The following ELMO1 variants were observed in gnomAD, a reference collection of about 807,000 sequenced individuals.
ELMO1 encodes the protein engulfment and cell motility protein 1.
ELMO1 carries 26 observed loss-of-function variants against 98.9 expected under a neutral mutation model. The observed-to-expected ratio is 0.26, with a 90% CI of 0.19 to 0.36. The LOEUF is 0.36. Among genes scored for constraint, ELMO1 ranks in the 10% least tolerant of loss-of-function variants. ELMO1 has a pLI of 1.00. For synonymous variants in ELMO1, 346 were observed against 346.0 expected (o/e 1.00, Z 0.00); for missense variants, 627 against 935.2 (o/e 0.67, Z 4.30).
intron 1 of ELMO1, among the ~76,000 whole-genome samples, chr7:37,377,281 A>T (rs1802390168): frequency 6.6e-6 from 1 of 152,190 alleles, no homozygotes; most frequent in Non-Finnish European, 1.5e-5. Context: ...ATCTGTAGTT[A>T]AAAATCTCTA....
intron 15 of ELMO1, among the ~76,000 whole-genome samples, chr7:37,037,657 A>G (rs1795268448): frequency 1.3e-5 from 2 of 152,218 alleles, no homozygotes. Flanking sequence ...AGGGGCTAGT[A>G]TCAAGTGAGC....
At chr7:37,074,791 A>G (rs1017648687) in intron 15 of ELMO1, among the ~76,000 whole-genome samples, 2 of 152,192 alleles carry the variant, frequency 1.3e-5, no homozygotes, top group Non-Finnish European at 2.9e-5. Flanking sequence ...TTGTTTAGGG[A>G]GTTGCAAATG....
chr7:36,879,839 G>T (rs750863969), intron 18 of ELMO1, among the ~76,000 whole-genome samples: 2 of 152,238 alleles, frequency 1.3e-5, no homozygotes, highest in Admixed American at 6.5e-5. Flanking sequence ...ATTTTTCTGG[G>T]AGAGCATTTC....
At chr7:37,228,924 A>G (rs1186664222) in intron 8 of ELMO1, among the ~76,000 whole-genome samples, 2 of 152,146 alleles carry the variant, frequency 1.3e-5, no homozygotes, top group African/African-American at 2.4e-5. Context: ...CCCAGGAGGC[A>G]GAGGTTGCAG....
chr7:36,891,669 T>C (rs1007548382), intron 17 of ELMO1, among the ~76,000 whole-genome samples: 5 of 152,252 alleles, frequency 3.3e-5, no homozygotes, highest in African/African-American at 1.2e-4. Flanking sequence ...TTTTCATGCA[T>C]GACTCTGTCA....
chr7:37,208,808 A>AC (rs1200596675), intron 13 of ELMO1, among the ~76,000 whole-genome samples: 2 of 152,092 alleles, frequency 1.3e-5, no homozygotes, highest in African/African-American at 4.8e-5. Context: ...CAACTTCTCA[A>AC]CTCTCTGATG....
intron 16 of ELMO1, among the ~76,000 whole-genome samples, chr7:36,937,897 C>T (rs1009985614): frequency 6.6e-6 from 1 of 152,156 alleles, no homozygotes. Flanking sequence ...CTCTAGTGGC[C>T]CCTGAGGCCA....
chr7:37,139,421 C>T (rs186349711), intron 13 of ELMO1, among the ~76,000 whole-genome samples: 151 of 152,210 alleles, frequency 9.9e-4, no homozygotes, highest in Non-Finnish European at 1.9e-3. Context: ...CTGCTATATA[C>T]CAACAGTGAT....
chr7:37,143,565 C>T (rs1382382234), intron 13 of ELMO1, among the ~76,000 whole-genome samples: 3 of 151,926 alleles, frequency 2.0e-5, no homozygotes, highest in Non-Finnish European at 4.4e-5. Context: ...TGCCACCATG[C>T]CTGTCTAATT....
At chr7:37,026,800 C>G (rs1318480306) in intron 15 of ELMO1, among the ~76,000 whole-genome samples, 2 of 152,118 alleles carry the variant, frequency 1.3e-5, no homozygotes, top group Non-Finnish European at 2.9e-5. Context: ...CTTTCATTTC[C>G]TCCTTCTATT....
chr7:36,877,928 A>G (rs1804102433), intron 19 of ELMO1, 82 bp downstream of exon 19: 19 of 1,073,958 alleles, frequency 1.8e-5, no homozygotes, highest in Non-Finnish European at 2.5e-5. Context: ...ACTTAGGCTG[A>G]TAGTTCTGTT....
At chr7:37,360,031 C>T (rs889815602) in intron 1 of ELMO1, among the ~76,000 whole-genome samples, 5 of 152,192 alleles carry the variant, frequency 3.3e-5, no homozygotes, top group Non-Finnish European at 7.3e-5. Flanking sequence ...ATACCCCTGG[C>T]TCGGATCATA....
chr7:37,047,821 G>A (rs554630811), intron 15 of ELMO1, among the ~76,000 whole-genome samples: 2 of 151,834 alleles, frequency 1.3e-5, no homozygotes, highest in Non-Finnish European at 1.5e-5. Flanking sequence ...CTCCAGGAAA[G>A]AATTCATACA....
chr7:37,163,589 G>A (rs560828191), intron 13 of ELMO1, among the ~76,000 whole-genome samples: 4 of 151,596 alleles, frequency 2.6e-5, no homozygotes, highest in South Asian at 2.1e-4. Context: ...GAGAATATGC[G>A]GTGTTTGGTT....
intron 15 of ELMO1, among the ~76,000 whole-genome samples, chr7:37,036,849 GCA>G (rs1376319853): frequency 4.6e-5 from 7 of 152,190 alleles, no homozygotes; most frequent in Admixed American, 4.6e-4. Flanking sequence ...AAAAGTGATA[GCA>G]CCAGGATTTG....
intron 10 of ELMO1, chr7:37,217,868 C>T (rs927390174): frequency 9.6e-5 from 43 of 448,098 alleles, no homozygotes; most frequent in Non-Finnish European, 1.9e-4. Flanking sequence ...CCCCTGCTGA[C>T]CCACTGCATT....
chr7:37,168,285 T>G (rs190844198), intron 13 of ELMO1, among the ~76,000 whole-genome samples: 64 of 152,328 alleles, frequency 4.2e-4, no homozygotes, highest in Non-Finnish European at 8.4e-4. Context: ...TTGGTTTGAA[T>G]TTCCTCCTGT....
At position 37,148,586 on chromosome 7, in the gene ELMO1, T is replaced by TA. The variant is rs1416952479; in HGVS notation, c.1087-15353dup. 2.6e-5 allele frequency among the ~76,000 whole-genome samples: 4 copies of TA among 152,196 alleles called. No homozygotes were observed. In the East Asian group the frequency reaches 5.8e-4, roughly 22 times the overall value. On this transcript the variant is annotated intron_variant, in intron 13 of 21. Transcript: ENST00000310758. ...CAAAGAATTACCATAAAAACTCAAT[T>TA]AAAAAATGCTTTGGGAATAAATTTC...
In ELMO1 at chr7:36,855,529, G is replaced by C. The variant is rs1802129325; in HGVS notation, c.*22C>G. Reference sequence around the variant, plus strand: ...AGCTAGGTGTTCCAGTTTTGGAAGGGGCATGTCTGGGCCCGGCCACTTCAG... The same window carrying C: ...AGCTAGGTGTTCCAGTTTTGGAAGGCGCATGTCTGGGCCCGGCCACTTCAG... On this transcript the variant is annotated 3_prime_UTR_variant, in exon 22 of 22. Transcript: ENST00000310758. This position sits in a 1 kb window ranked among gnomAD's most constrained non-coding sequence, Gnocchi z 4.2. The C allele has an allele frequency of 1.2e-6, 2 of 1,613,282 alleles. No individual in the cohort carries two copies. The highest frequency in any genetic ancestry group is 1.3e-5 in the African/African-American group (1 of 74,914).
Sources: gnomAD v4.1 joint callset for allele counts (sites outside exome capture counted in the v4.1 genomes callset) on GRCh38, gnomAD v4.1.1 for gene constraint, Gnocchi (gnomAD v3.1) non-coding constraint, MANE v1.5 for transcripts, NCBI Gene and HGNC (gene_info 2026-07-23, HGNC 2026-07-21) for gene names.